The following BNC2 variants were observed in gnomAD, a reference collection of about 807,000 sequenced individuals.
BNC2 encodes the protein zinc finger protein basonuclin-2.
BNC2 carries 20 observed loss-of-function variants against 76.3 expected under a neutral mutation model. The observed-to-expected ratio is 0.26, with a 90% CI of 0.18 to 0.38. The LOEUF (loss-of-function observed/expected upper bound fraction) is 0.38, where lower values mean the gene tolerates loss of function less well. Ranked by LOEUF, BNC2 falls within the 10% of genes least tolerant of loss-of-function variation. The pLI is 1.00. For missense variants in BNC2, 1,382 were observed against 1,399.8 expected (o/e 0.99, Z 0.20); for synonymous variants, 582 against 514.8 (o/e 1.13, Z -1.77).
chr9:16,655,049 A>G (rs757045706), intron 3 of BNC2, among the ~76,000 whole-genome samples: 3 of 151,938 alleles, frequency 2.0e-5, no homozygotes, highest in Non-Finnish European at 4.4e-5. Flanking sequence ...GGAGCCACCA[A>G]TCATTATACG....
Position 16,410,129 on chromosome 9 carries a change from T to C in BNC2, c.*8860A>G, listed in dbSNP as rs945222220. 6.6e-6 allele frequency: 1 copy of C among 152,206 alleles called. No homozygotes were observed. The allele number at this position is 152,206 out of a possible 1,614,324, so 9.4% of individuals were successfully genotyped here. ...TGTTCTCCCAGCTGTGTGAGGGATCTTGCTAGTTCTAAAAGGCCTAGTCCA... is the reference window on the plus strand; with the variant it reads ...TGTTCTCCCAGCTGTGTGAGGGATCCTGCTAGTTCTAAAAGGCCTAGTCCA... On this transcript the variant is annotated 3_prime_UTR_variant, in exon 7 of 7. Coordinates refer to ENST00000380672, the MANE Select transcript of BNC2 (RefSeq NM_017637.6).
At chr9:16,760,384 G>C (rs1467219869) in intron 1 of BNC2, among the ~76,000 whole-genome samples, 3 of 152,176 alleles carry the variant, frequency 2.0e-5, no homozygotes, top group African/African-American at 7.2e-5. Context: ...AAAAAATTTA[G>C]ATATTACAAC....
At chr9:16,428,182 C>G (rs1820836366) in intron 6 of BNC2, among the ~76,000 whole-genome samples, 1 of 152,172 alleles carries the variant, frequency 6.6e-6, no homozygotes, top group Non-Finnish European at 1.5e-5. Flanking sequence ...TTGCTCTCCA[C>G]TTTTATTGAA....
At chr9:16,423,734 G>A (rs994665384) in intron 6 of BNC2, among the ~76,000 whole-genome samples, 4 of 152,112 alleles carry the variant, frequency 2.6e-5, no homozygotes, top group Non-Finnish European at 5.9e-5. Context: ...TGATCCTGAC[G>A]CTATTAATAC....
rs1820470834 is a variant in BNC2, at chr9:16,411,961, A to G, written c.*7028T>C. 2 of 152,390 alleles carry G rather than the reference A, an allele frequency of 1.3e-5. No individual in the cohort carries two copies. The highest frequency in any genetic ancestry group is 4.1e-4 in the South Asian group (2 of 4,830). The allele number at this position is 152,390 out of a possible 1,614,324, so 9.4% of individuals were successfully genotyped here. The stretch of plus-strand genomic sequence containing the variant: ...AGATCTTGCACTTCATTTAGTCACT[A>G]ACTAGTCACTTTCCAACCATCATTT... On this transcript the variant is annotated 3_prime_UTR_variant, in exon 7 of 7. Transcript: ENST00000380672.
At chr9:16,465,175 C>T (rs1435357873) in intron 5 of BNC2, among the ~76,000 whole-genome samples, 1 of 152,150 alleles carries the variant, frequency 6.6e-6, no homozygotes, top group South Asian at 2.1e-4. Context: ...GCGGCTCACG[C>T]CTGTAATCCC....
intron 1 of BNC2, among the ~76,000 whole-genome samples, chr9:16,796,430 G>A (rs1192874588): frequency 1.3e-5 from 2 of 152,064 alleles, no homozygotes; most frequent in Non-Finnish European, 2.9e-5. Flanking sequence ...AGAAGTCTCA[G>A]GAAGCAAGGA....
chr9:16,583,567 A>G (rs1189567490), intron 3 of BNC2, among the ~76,000 whole-genome samples: 1 of 152,188 alleles, frequency 6.6e-6, no homozygotes, highest in African/African-American at 2.4e-5. Flanking sequence ...AATTTCAATT[A>G]AATGTTGTGC....
chr9:16,462,496 A>G (rs1821604949), intron 5 of BNC2, among the ~76,000 whole-genome samples: 1 of 152,214 alleles, frequency 6.6e-6, no homozygotes, highest in African/African-American at 2.4e-5. Context: ...TGGCAAAATG[A>G]TTAACACGAA....
At chr9:16,470,631 G>C (rs1024843416) in intron 5 of BNC2, among the ~76,000 whole-genome samples, 6 of 152,198 alleles carry the variant, frequency 3.9e-5, no homozygotes, top group African/African-American at 1.4e-4. Context: ...GGCTGAAAGG[G>C]GCCAACATAC....
chr9:16,813,266 A>T (rs939302641), intron 1 of BNC2, among the ~76,000 whole-genome samples: 4 of 141,856 alleles, frequency 2.8e-5, no homozygotes, highest in East Asian at 4.2e-4. Context: ...CAGAAAAACC[A>T]TTTTTTTTTT....
At chr9:16,587,787 G>A (rs888391952) in intron 3 of BNC2, among the ~76,000 whole-genome samples, 3 of 152,034 alleles carry the variant, frequency 2.0e-5, no homozygotes, top group Non-Finnish European at 2.9e-5. Flanking sequence ...CTCCTTCCAA[G>A]TCCTGCTTAA....
intron 5 of BNC2, among the ~76,000 whole-genome samples, chr9:16,444,215 T>A (rs767812152): frequency 6.6e-6 from 1 of 152,130 alleles, no homozygotes; most frequent in Non-Finnish European, 1.5e-5. Flanking sequence ...CTAAAGGTGA[T>A]TTTTTGCTAG....
At chr9:16,643,659 A>C (rs1453926767) in intron 3 of BNC2, among the ~76,000 whole-genome samples, 1 of 152,032 alleles carries the variant, frequency 6.6e-6, no homozygotes, top group Non-Finnish European at 1.5e-5. Flanking sequence ...ATATGGAGAA[A>C]TTATATTCTA....
At chr9:16,700,536 CCTCGG>C (rs1823478307) in intron 3 of BNC2, among the ~76,000 whole-genome samples, 1 of 152,216 alleles carries the variant, frequency 6.6e-6, no homozygotes, top group South Asian at 2.1e-4. Context: ...ACTCAAAACT[CCTCGG>C]CTCAAGCAAT....
chr9:16,770,772 G>C (rs1044266933), intron 1 of BNC2, among the ~76,000 whole-genome samples: 1 of 152,042 alleles, frequency 6.6e-6, no homozygotes, highest in African/African-American at 2.4e-5. Flanking sequence ...GCTGAGGTGG[G>C]AGAATCGCTT....
chr9:16,828,360 C>T (rs898024531), intron 1 of BNC2, among the ~76,000 whole-genome samples: 1 of 152,144 alleles, frequency 6.6e-6, no homozygotes, highest in African/African-American at 2.4e-5. Context: ...ATAATACTTA[C>T]AAAACCCTAA....
At chr9:16,702,200 G>A (rs1390089188) in intron 3 of BNC2, among the ~76,000 whole-genome samples, 3 of 152,108 alleles carry the variant, frequency 2.0e-5, no homozygotes, top group East Asian at 3.9e-4. Context: ...AACACTCGAA[G>A]CTTTAGTGTG....
chr9:16,504,733 G>C (rs921076737), intron 5 of BNC2, among the ~76,000 whole-genome samples: 1 of 152,212 alleles, frequency 6.6e-6, no homozygotes, highest in Non-Finnish European at 1.5e-5. Flanking sequence ...TATAGTCCCA[G>C]CTACTGAGGA....
Sources: allele counts gnomAD v4.1 joint callset (sites outside exome capture counted in the v4.1 genomes callset), GRCh38; gene constraint gnomAD v4.1.1; transcripts MANE v1.5; gene names NCBI Gene and HGNC (gene_info 2026-07-23, HGNC 2026-07-21).